MARK4: variants seen among roughly 807,000 people sequenced by gnomAD.
MARK4 encodes the protein microtubule affinity regulating kinase 4, also known as MAP/microtubule affinity-regulating kinase 4.
MARK4 carries 19 observed loss-of-function variants against 81.5 expected under a neutral mutation model. That is an observed-to-expected ratio of 0.23 (90% confidence interval 0.16 to 0.34). MARK4 has a LOEUF of 0.34. Ranked by LOEUF, MARK4 falls within the 10% of genes least tolerant of loss-of-function variation. MARK4 has a pLI of 1.00. For missense variants in MARK4, 772 were observed against 1,058.8 expected (o/e 0.73, Z 3.76); for synonymous variants, 436 against 439.0 (o/e 0.99, Z 0.08).
At chr19:45,298,920 T>C (rs529207198) in intron 15 of MARK4, among the ~76,000 whole-genome samples, 81 of 151,466 alleles carry the variant, frequency 5.3e-4, no homozygotes, top group African/African-American at 1.9e-3. Flanking sequence ...TACAAAAAAG[T>C]AAATAAATTG....
At chr19:45,254,773 C>A (rs751187346) in intron 1 of MARK4, among the ~76,000 whole-genome samples, 1 of 152,248 alleles carries the variant, frequency 6.6e-6, no homozygotes, top group African/African-American at 2.4e-5. Flanking sequence ...GTGACCTTCA[C>A]ATGGCACCTT....
intron 13 of MARK4, among the ~76,000 whole-genome samples, chr19:45,291,358 A>G (rs1056503532): frequency 6.6e-6 from 1 of 152,230 alleles, no homozygotes; most frequent in Non-Finnish European, 1.5e-5. Context: ...TCAAGAGTGC[A>G]TTGTTAGGCC....
chr19:45,263,092 C>T (rs1486736148), intron 2 of MARK4, 21 bp from the exon 3 acceptor site: 1 of 1,596,100 alleles, frequency 6.3e-7, no homozygotes, highest in Admixed American at 1.7e-5. Flanking sequence ...GACCGTCCCT[C>T]CTCCTTTCCT....
chr19:45,299,841 A>G lies in MARK4; in HGVS notation c.1908A>G (p.Gly636=), dbSNP rs1970944147. 1.9e-6 allele frequency: 3 copies of G among 1,604,466 alleles called. No homozygotes were observed. Among genetic ancestry groups the G allele is most frequent in the East Asian group, 2.3e-5 (1 of 44,334 alleles). Residue 636 remains glycine, a synonymous_variant, in exon 16 of 17, where the codon GGA becomes GGG. Transcript: ENST00000262891. The part of the protein sequence containing the change: ...RVADEPERIG[G]PEVTSCHLPW... ...CAGACGAACCTGAGAGAATCGGGGG[A>G]CCTGAGGTCACAAGGTGAGTGCTTG...
At chr19:45,258,863 C>G (rs1040534939) in intron 1 of MARK4, 126 bp from the exon 2 acceptor site, 10 of 981,480 alleles carry the variant, frequency 1.0e-5, no homozygotes, top group African/African-American at 4.9e-5. Context: ...ATGCTTGGCT[C>G]TCTGGGGCCT....
chr19:45,266,465 G>A (rs1970455040), intron 7 of MARK4, among the ~76,000 whole-genome samples, 184 bp downstream of exon 7: 1 of 152,024 alleles, frequency 6.6e-6, no homozygotes, highest in African/African-American at 2.4e-5. Flanking sequence ...CAGAAACAAG[G>A]CCAGCAGATG....
At chr19:45,291,166 G>C (rs1970815546) in intron 13 of MARK4, among the ~76,000 whole-genome samples, 1 of 152,190 alleles carries the variant, frequency 6.6e-6, no homozygotes, top group South Asian at 2.1e-4. Context: ...AGAATGGATG[G>C]GAGCGGCAGG....
intron 14 of MARK4, among the ~76,000 whole-genome samples, chr19:45,297,175 G>A (rs1970898383): frequency 6.6e-6 from 1 of 152,176 alleles, no homozygotes; most frequent in African/African-American, 2.4e-5. Context: ...TCGACTAGGA[G>A]GGTCCGAGGG....
chr19:45,299,933 T>G, intron 16 of MARK4, 78 bp downstream of exon 16: 1 of 1,424,422 alleles, frequency 7.0e-7, no homozygotes, highest in Non-Finnish European at 9.5e-7. Flanking sequence ...CCCAGGGCAT[T>G]AGATGGGGCC....
At chr19:45,272,068 A>G (rs1970535065) in intron 8 of MARK4, among the ~76,000 whole-genome samples, 1 of 152,198 alleles carries the variant, frequency 6.6e-6, no homozygotes, top group Admixed American at 6.5e-5. Flanking sequence ...GCGGTGGCTC[A>G]TGCCTATAAT....
At chr19:45,258,380 A>C (rs940299058) in intron 1 of MARK4, among the ~76,000 whole-genome samples, 2 of 152,130 alleles carry the variant, frequency 1.3e-5, no homozygotes, top group African/African-American at 4.8e-5. Flanking sequence ...TCTGGAACCA[A>C]ACTTGCGATA....
intron 8 of MARK4, 93 bp from the exon 9 acceptor site, chr19:45,277,830 T>C (rs1229275073): frequency 2.9e-6 from 2 of 688,850 alleles, no homozygotes; most frequent in Admixed American, 8.6e-5. Context: ...AGGTTGTGTG[T>C]GTGTGTGTGT....
At chr19:45,277,366 C>T (rs975558295) in intron 8 of MARK4, among the ~76,000 whole-genome samples, 1 of 152,102 alleles carries the variant, frequency 6.6e-6, no homozygotes, top group African/African-American at 2.4e-5. Context: ...GTGTGAGCCA[C>T]CGTGCCTGGC....
At chr19:45,257,527 G>A in intron 1 of MARK4, among the ~76,000 whole-genome samples, 1 of 151,182 alleles carries the variant, frequency 6.6e-6, no homozygotes, top group East Asian at 1.9e-4. Flanking sequence ...GGGATTACAG[G>A]TGCGCGTCAC....
At position 45,267,151 on chromosome 19, in the gene MARK4, C is replaced by T. The variant is rs571853451; in HGVS notation, c.549+870C>T. On this transcript the variant is annotated intron_variant, in intron 7 of 16. Transcript: ENST00000262891. ...TCAGCTCGCTGCAACCTCCGCCTCC[C>T]GGGTTCAGGCGATTCTCCTGCCTCA... Among the ~76,000 whole-genome samples the T allele has an allele frequency of 3.3e-5, 5 of 151,140 alleles. No individual in the cohort carries two copies. The South Asian group carries it at 8.4e-4, about 25-fold the overall frequency.
chr19:45,263,890 G>A (rs1970413967), intron 4 of MARK4, among the ~76,000 whole-genome samples: 2 of 151,688 alleles, frequency 1.3e-5, no homozygotes, highest in Admixed American at 1.3e-4. Context: ...CCAGGTCATT[G>A]TGAGGATTGA....
At position 45,303,419 on chromosome 19, in the gene MARK4, AAAG is replaced by A. The variant is rs370851233; in HGVS notation, c.*714_*716del. ...CCCTGCCCTCACCTGCAAATGAGTT[AAAG>A]AAGAGGCGTGGGAATCCAGGCAGTG... On this transcript the variant is annotated 3_prime_UTR_variant, in exon 17 of 17. Coordinates refer to ENST00000262891, the MANE Select transcript of MARK4 (RefSeq NM_001199867.2). The A allele has an allele frequency of 4.7e-4, 71 of 152,170 alleles. No homozygotes were observed. The highest frequency in any genetic ancestry group is 1.3e-3 in the African/African-American group (54 of 41,384). 9.4% of individuals were successfully genotyped at this position (152,170 alleles called of 1,614,324 possible).
intron 1 of MARK4, among the ~76,000 whole-genome samples, chr19:45,252,208 C>T (rs558882785): frequency 6.6e-6 from 1 of 152,140 alleles, no homozygotes; most frequent in South Asian, 2.1e-4. Context: ...AGCTGGTTTC[C>T]ACCTCTCCTG....
intron 7 of MARK4, among the ~76,000 whole-genome samples, chr19:45,269,946 G>A (rs1352071562): frequency 6.6e-6 from 1 of 152,060 alleles, no homozygotes; most frequent in East Asian, 1.9e-4. Context: ...CCTTGCCTCA[G>A]CCTCCCAAGT....
Sources: allele counts gnomAD v4.1 joint callset (sites outside exome capture counted in the v4.1 genomes callset), GRCh38; gene constraint gnomAD v4.1.1; transcripts MANE v1.5; gene names NCBI Gene and HGNC (gene_info 2026-07-23, HGNC 2026-07-21).